The following ANO3 variants were observed in gnomAD, a reference collection of about 807,000 sequenced individuals.
ANO3 encodes anoctamin-3.
Under a neutral mutation model 144.8 loss-of-function variants are expected in ANO3, and 99 were observed. The observed-to-expected ratio is 0.68, with a 90% CI of 0.58 to 0.81. The LOEUF is 0.81. Ranked by LOEUF, ANO3 falls within the 30% of genes least tolerant of loss-of-function variation. ANO3 has a pLI of 0.00. For missense variants in ANO3, 905 were observed against 1,202.2 expected (o/e 0.75, Z 3.66); for synonymous variants, 414 against 392.6 (o/e 1.05, Z -0.64).
chr11:26,386,908 T>A lies in ANO3; in HGVS notation c.46+54587T>A, dbSNP rs189759213. 1.5e-3 allele frequency among the ~76,000 whole-genome samples: 229 copies of A among 152,244 alleles called. 1 individual carries two copies. Among genetic ancestry groups the A allele is most frequent in the African/African-American group, 5.3e-3 (220 of 41,548 alleles). ...GTGTTGATTTTTTGACCTGGCATGT[T>A]GAATGTGTTTACGTAGGTAAGTGGT... On this transcript the variant is annotated intron_variant, in intron 1 of 26. Coordinates refer to ENST00000256737, the MANE Select transcript of ANO3 (RefSeq NM_031418.4).
intron 1 of ANO3, among the ~76,000 whole-genome samples, chr11:26,436,604 T>G (rs1858305064): frequency 6.6e-6 from 1 of 151,854 alleles, no homozygotes; most frequent in South Asian, 2.1e-4. Context: ...GCTGGGGACC[T>G]TGGTCAGGAG....
At chr11:26,589,496 T>C (rs1032147930) in intron 14 of ANO3, among the ~76,000 whole-genome samples, 8 of 152,044 alleles carry the variant, frequency 5.3e-5, no homozygotes, top group Non-Finnish European at 7.4e-5. Flanking sequence ...AATGGGTTTT[T>C]TGCATATTCA....
intron 18 of ANO3, among the ~76,000 whole-genome samples, chr11:26,627,814 A>AGTGTGTGTGTGT (rs72002807): frequency 0.011 from 1,428 of 131,180 alleles, 44 homozygotes; most frequent in Admixed American, 0.064. Flanking sequence ...AATAGAATCT[A>AGTGTGTGTGTGT]GTGTGTGTGT....
chr11:26,317,351 C>T (rs1284618004), intron 1 of ANO3, among the ~76,000 whole-genome samples: 2 of 150,810 alleles, frequency 1.3e-5, no homozygotes, highest in African/African-American at 4.9e-5. Context: ...AAAATTTTTG[C>T]AATCTATCCA....
chr11:26,407,847 T>C (rs1445177607), intron 1 of ANO3, among the ~76,000 whole-genome samples: 1 of 151,872 alleles, frequency 6.6e-6, no homozygotes, highest in Non-Finnish European at 1.5e-5. Flanking sequence ...CCTTCTGCTC[T>C]ACTTTCCAGG....
chr11:26,634,972 A>G (rs1244278269), intron 19 of ANO3, 41 bp from the exon 20 acceptor site: 5 of 1,532,994 alleles, frequency 3.3e-6, no homozygotes, highest in African/African-American at 1.4e-5. Context: ...TCTTCAGTGA[A>G]CCCCACTTAA....
At chr11:26,482,424 ATATGTGTGTGTGTGTGTGTG>A (rs929502516) in intron 4 of ANO3, among the ~76,000 whole-genome samples, 6 of 109,810 alleles carry the variant, frequency 5.5e-5, no homozygotes, top group African/African-American at 1.8e-4. Flanking sequence ...GAACACAGAT[ATATGTGTGTGTGTGTGTGTG>A]TGTGTGTGTG....
chr11:26,315,813 C>T (rs144754164), intron 1 of ANO3, among the ~76,000 whole-genome samples: 1 of 152,004 alleles, frequency 6.6e-6, no homozygotes, highest in African/African-American at 2.4e-5. Flanking sequence ...AATAAGACAA[C>T]CCAAAAGCCA....
chr11:26,192,572 A>G (rs1851499178), intron 1 of ANO3, among the ~76,000 whole-genome samples: 1 of 152,194 alleles, frequency 6.6e-6, no homozygotes, highest in Admixed American at 6.5e-5. Flanking sequence ...TAGGTATCTC[A>G]TAATACAGAA....
chr11:26,604,642 T>C (rs1851886612), intron 17 of ANO3, among the ~76,000 whole-genome samples: 1 of 152,146 alleles, frequency 6.6e-6, no homozygotes, highest in Non-Finnish European at 1.5e-5. Context: ...CCTTGTTATC[T>C]GTATTCCTAG....
chr11:26,458,031 A>G (rs867704771), intron 3 of ANO3, among the ~76,000 whole-genome samples: 1 of 152,296 alleles, frequency 6.6e-6, no homozygotes, highest in East Asian at 1.9e-4. Flanking sequence ...AAATGTTACA[A>G]TATGGGAGAA....
At chr11:26,233,240 G>T (rs1456018633) in intron 1 of ANO3, among the ~76,000 whole-genome samples, 1 of 149,398 alleles carries the variant, frequency 6.7e-6, no homozygotes, top group Admixed American at 6.6e-5. Flanking sequence ...GAAAAGAAAA[G>T]AAATTTACTA....
chr11:26,267,954 A>G (rs1310127455), intron 1 of ANO3, among the ~76,000 whole-genome samples: 4 of 152,200 alleles, frequency 2.6e-5, no homozygotes, highest in African/African-American at 7.2e-5. Context: ...TTTAAAATCC[A>G]AAGTAATCTG....
chr11:26,467,896 A>G (rs1358735666), intron 4 of ANO3, among the ~76,000 whole-genome samples: 1 of 151,952 alleles, frequency 6.6e-6, no homozygotes, highest in East Asian at 1.9e-4. Context: ...CCAAAAATCC[A>G]TAGACTGAAG....
chr11:26,577,540 G>C (rs1457347074), intron 14 of ANO3, among the ~76,000 whole-genome samples: 1 of 145,700 alleles, frequency 6.9e-6, no homozygotes, highest in Non-Finnish European at 1.5e-5. Flanking sequence ...CTCCAGCCTG[G>C]GCAACAAGAG....
chr11:26,286,715 T>TG (rs1227732934), intron 1 of ANO3, among the ~76,000 whole-genome samples: 3 of 152,156 alleles, frequency 2.0e-5, no homozygotes, highest in Non-Finnish European at 4.4e-5. Context: ...GCAATGCGGG[T>TG]GGGCTTTGGT....
rs1851715489 is a variant in ANO3 at position 26,598,875 on chromosome 11, G to T, written c.1548G>T (p.Gln516His). Residue 516 changes from glutamine (Q) to histidine (H), a missense_variant, in exon 16 of 27, where the codon CAG becomes CAT. Physicochemically the swap from Gln to His is conservative, Grantham distance 24. This residue lies in a region of ANO3 where 597 missense variants were observed against 865.1 expected (regional missense o/e 0.69). Coordinates refer to ENST00000256737, the MANE Select transcript of ANO3 (RefSeq NM_031418.4). ...WEEEEETLRP[Q>H]FEAKYYKMEI... Reference sequence around the variant, plus strand: ...TCTCATAGGAAACACTTCGTCCCCAGTTTGAAGCCAAGTATTACAAGATGG... The same window carrying T: ...TCTCATAGGAAACACTTCGTCCCCATTTTGAAGCCAAGTATTACAAGATGG... The T allele has an allele frequency of 1.9e-6, 3 of 1,613,538 alleles. No homozygotes were observed. The highest frequency in any genetic ancestry group is 2.5e-6 in the Non-Finnish European group (3 of 1,179,858).
chr11:26,417,952 C>T (rs940233067), intron 1 of ANO3, among the ~76,000 whole-genome samples: 9 of 152,034 alleles, frequency 5.9e-5, no homozygotes, highest in Admixed American at 6.6e-5. Flanking sequence ...CTACAATTTT[C>T]TCACCCTGAA....
At chr11:26,622,273 C>T (rs1446229286) in intron 17 of ANO3, among the ~76,000 whole-genome samples, 1 of 151,904 alleles carries the variant, frequency 6.6e-6, no homozygotes, top group Admixed American at 6.6e-5. Flanking sequence ...TATTGCCATC[C>T]TAAGTTTGCA....
Sources: allele counts gnomAD v4.1 joint callset (sites outside exome capture counted in the v4.1 genomes callset), GRCh38; gene constraint gnomAD v4.1.1; regional missense constraint gnomAD v4.1.1; transcripts MANE v1.5; gene names NCBI Gene and HGNC (gene_info 2026-07-23, HGNC 2026-07-21).